NGEF: variants seen among roughly 807,000 people sequenced by gnomAD.
NGEF encodes the protein ephexin-1.
In NGEF, 31 loss-of-function variants were observed where a neutral mutation model predicts 80.9. The ratio of observed to expected loss-of-function variants is 0.38; its 90% CI spans 0.29 to 0.52. NGEF has a LOEUF of 0.52. Among genes scored for constraint, NGEF ranks in the 20% least tolerant of loss-of-function variants. NGEF has a pLI of 0.84. For synonymous variants in NGEF, 371 were observed against 370.2 expected, an observed-to-expected ratio of 1.00 and a Z score of -0.03; for missense variants, 709 against 926.2, an observed-to-expected ratio of 0.77 and a Z score of 3.04.
chr2:232,949,165 T>C (rs1414369794), intron 3 of NGEF, among the ~76,000 whole-genome samples: 2 of 152,222 alleles, frequency 1.3e-5, no homozygotes, highest in East Asian at 3.8e-4. Context: ...CTGGGAGCTC[T>C]GCGGAGCCAG....
intron 3 of NGEF, among the ~76,000 whole-genome samples, chr2:232,929,210 C>T (rs1693166829): frequency 6.6e-6 from 1 of 152,216 alleles, no homozygotes; most frequent in Non-Finnish European, 1.5e-5. Flanking sequence ...TCCAACCCAC[C>T]CGGCATTTGT....
chr2:233,008,109 T>G (rs1292344451), intron 1 of NGEF, among the ~76,000 whole-genome samples: 2 of 152,192 alleles, frequency 1.3e-5, no homozygotes. Flanking sequence ...AAAACCCATA[T>G]GTGAGGGTTC....
chr2:232,965,599 T>C lies in NGEF; in HGVS notation c.383+4615A>G, dbSNP rs113441184. 1.9e-3 allele frequency among the ~76,000 whole-genome samples: 295 copies of C among 152,260 alleles called. 2 individuals carry two copies. The South Asian group carries it at 0.024, about 12-fold the overall frequency. On this transcript the variant is annotated intron_variant, in intron 3 of 14. Coordinates refer to ENST00000264051, the MANE Select transcript of NGEF (RefSeq NM_019850.3). ...GATGGAAGGGCTCACCCATGGTCAA[T>C]GTAGCATGCCCAGGAGAAATGCATA...
At chr2:232,950,049 T>C (rs1693647537) in intron 3 of NGEF, among the ~76,000 whole-genome samples, 3 of 152,104 alleles carry the variant, frequency 2.0e-5, no homozygotes, top group Admixed American at 1.3e-4. Context: ...TGACCTCAGG[T>C]GATACACCAG....
chr2:232,929,277 C>T (rs1232945064), intron 3 of NGEF, among the ~76,000 whole-genome samples: 2 of 152,202 alleles, frequency 1.3e-5, no homozygotes, highest in Non-Finnish European at 2.9e-5. Flanking sequence ...GGCAGCGGTG[C>T]AGTTACTCGT....
intron 1 of NGEF, among the ~76,000 whole-genome samples, chr2:233,011,539 G>A (rs975312181): frequency 6.6e-6 from 1 of 150,718 alleles, no homozygotes; most frequent in Non-Finnish European, 1.5e-5. Context: ...TTTGTTACTG[G>A]TACAAGCTTC....
At chr2:232,948,992 T>C (rs1006778468) in intron 3 of NGEF, among the ~76,000 whole-genome samples, 1 of 151,952 alleles carries the variant, frequency 6.6e-6, no homozygotes, top group African/African-American at 2.4e-5. Context: ...CACTCCAGCC[T>C]GGGCAACAGA....
rs142651618 is a variant in NGEF, at chr2:232,980,925, G to T, written c.-74-5961C>A. Among the ~76,000 whole-genome samples the T allele has an allele frequency of 6.7e-3, 1,024 of 152,132 alleles. 13 individuals carry two copies. The highest frequency in any genetic ancestry group is 0.011 in the Non-Finnish European group (750 of 67,992). Reference sequence around the variant, plus strand: ...GGGCGAGAGCAGCGGCCCTTGCTTTGGCCAGGTCTAGGGCACATGGAGTGC... The same window carrying T: ...GGGCGAGAGCAGCGGCCCTTGCTTTTGCCAGGTCTAGGGCACATGGAGTGC... On this transcript the variant is annotated intron_variant, in intron 1 of 14. Transcript: ENST00000264051.
At chr2:232,954,641 A>C (rs983053789) in intron 3 of NGEF, among the ~76,000 whole-genome samples, 22 of 151,406 alleles carry the variant, frequency 1.5e-4, no homozygotes, top group Non-Finnish European at 2.5e-4. Flanking sequence ...AGGACAATGG[A>C]GTGAACCTGG....
chr2:232,917,472 CT>C lies in NGEF; in HGVS notation c.828+2811del, dbSNP rs11407721. Among the ~76,000 whole-genome samples the C allele has an allele frequency of 4.1e-3, 596 of 144,692 alleles. 6 individuals are homozygous for C. The highest frequency in any genetic ancestry group is 0.013 in the African/African-American group (523 of 39,650). The allele number at this position is 144,692 out of a possible 152,430, so 94.9% of individuals were successfully genotyped here. Reference sequence around the variant, plus strand: ...TTACGTATTTAATTGTAAAACTTTTCTTTTTTTTTTTTTCTGAGATGGAGTC... The same window carrying C: ...TTACGTATTTAATTGTAAAACTTTTCTTTTTTTTTTTTCTGAGATGGAGTC... On this transcript the variant is annotated intron_variant, in intron 5 of 14. Coordinates refer to ENST00000264051, the MANE Select transcript of NGEF (RefSeq NM_019850.3).
chr2:232,913,781 G>A (rs757502211), intron 5 of NGEF, among the ~76,000 whole-genome samples: 2 of 152,122 alleles, frequency 1.3e-5, no homozygotes, highest in Non-Finnish European at 1.5e-5. Flanking sequence ...TTAGCTGGGC[G>A]TGGTGGCACG....
At chr2:233,012,044 G>T (rs911519387) in intron 1 of NGEF, among the ~76,000 whole-genome samples, 14 of 152,158 alleles carry the variant, frequency 9.2e-5, no homozygotes, top group African/African-American at 3.4e-4. Flanking sequence ...GGCAGCCTGA[G>T]ACATGGGCAA....
In NGEF at chr2:232,892,310, T is replaced by C. The variant is rs1199553432; in HGVS notation, c.1142+588A>G. Among the ~76,000 whole-genome samples, 4 of 152,176 alleles carry C rather than the reference T, an allele frequency of 2.6e-5. No individual in the cohort carries two copies. Among genetic ancestry groups the C allele is most frequent in the Non-Finnish European group, 4.4e-5 (3 of 68,032 alleles). On this transcript the variant is annotated intron_variant, in intron 7 of 14. Transcript: ENST00000264051. This position sits in a 1 kb window ranked among gnomAD's most constrained non-coding sequence, Gnocchi z 4.0. ...CACAACTGGAAAACTCCCTGGGTGC[T>C]TCTGTGCGGAGCCAAGACGGCCTCC...
chr2:232,962,155 C>A (rs897981024), intron 3 of NGEF, among the ~76,000 whole-genome samples: 1 of 152,230 alleles, frequency 6.6e-6, no homozygotes, highest in Non-Finnish European at 1.5e-5. Flanking sequence ...AGTGTGTCTA[C>A]TCTCACTGCT....
chr2:232,901,823 T>TC (rs1000992984), intron 5 of NGEF, among the ~76,000 whole-genome samples: 12 of 152,162 alleles, frequency 7.9e-5, no homozygotes, highest in African/African-American at 2.9e-4. Context: ...AAGGCGTCCT[T>TC]CCGGGACTCC....
At chr2:232,986,627 G>A (rs1694537703) in intron 1 of NGEF, among the ~76,000 whole-genome samples, 2 of 152,208 alleles carry the variant, frequency 1.3e-5, no homozygotes, top group Admixed American at 6.5e-5. Context: ...GAAAAATACT[G>A]CATGATCTTA....
At chr2:232,933,989 A>G (rs575693977) in intron 3 of NGEF, among the ~76,000 whole-genome samples, 1 of 152,306 alleles carries the variant, frequency 6.6e-6, no homozygotes, top group African/African-American at 2.4e-5. Context: ...CACACCTGTA[A>G]TCCCAGCACT....
At chr2:232,968,993 G>A (rs2106319651) in intron 3 of NGEF, among the ~76,000 whole-genome samples, 1 of 152,330 alleles carries the variant, frequency 6.6e-6, no homozygotes, top group East Asian at 1.9e-4. Context: ...GCGTGAAGGA[G>A]CCGCGGTCAC....
chr2:232,918,722 G>A (rs890569372), intron 5 of NGEF, among the ~76,000 whole-genome samples: 1 of 146,146 alleles, frequency 6.8e-6, no homozygotes, highest in Non-Finnish European at 1.5e-5. Flanking sequence ...GCAACCTCCC[G>A]AGTTCAAGCG....
Sources: allele counts gnomAD v4.1 joint callset (sites outside exome capture counted in the v4.1 genomes callset), GRCh38; gene constraint gnomAD v4.1.1; non-coding constraint Gnocchi (gnomAD v3.1); transcripts MANE v1.5; gene names NCBI Gene and HGNC (gene_info 2026-07-23, HGNC 2026-07-21).